PCNX1: variants seen among roughly 807,000 people sequenced by gnomAD.
PCNX1 encodes the protein pecanex-like protein 1.
PCNX1 carries 78 observed loss-of-function variants against 242.2 expected under a neutral mutation model. The ratio of observed to expected loss-of-function variants is 0.32; its 90% CI spans 0.27 to 0.39. The LOEUF (loss-of-function observed/expected upper bound fraction) is 0.39. Among genes scored for constraint, PCNX1 ranks in the 10% least tolerant of loss-of-function variants. The pLI is 1.00. For synonymous variants in PCNX1, 1,024 were observed against 1,032.9 expected (o/e 0.99, Z 0.17); for missense variants, 2,581 against 2,856.5 (o/e 0.90, Z 2.20).
In PCNX1 at chr14:71,035,161, T is replaced by G. The variant is rs117299294; in HGVS notation, c.3775-904T>G. 5.1e-4 allele frequency among the ~76,000 whole-genome samples: 77 copies of G among 152,122 alleles called. 2 individuals are homozygous for G. In the East Asian group the frequency reaches 0.014, roughly 27 times the overall value. The stretch of plus-strand genomic sequence containing the variant: ...AGGGGTTCTGAGCTCTAGTGTACAA[T>G]GACTATACCTGTGAATAGACACTGC... On this transcript the variant is annotated intron_variant, in intron 18 of 35. Coordinates refer to ENST00000304743, the MANE Select transcript of PCNX1 (RefSeq NM_014982.3).
At chr14:71,054,254 T>G (rs1393826265) in intron 24 of PCNX1, among the ~76,000 whole-genome samples, 4 of 151,788 alleles carry the variant, frequency 2.6e-5, no homozygotes, top group Non-Finnish European at 5.9e-5. Context: ...TCATCTGTCT[T>G]ATATCCTGAA....
intron 30 of PCNX1, among the ~76,000 whole-genome samples, chr14:71,098,167 G>A (rs763366752): frequency 7.2e-5 from 11 of 152,082 alleles, no homozygotes; most frequent in African/African-American, 1.7e-4. Flanking sequence ...TACCAGTACC[G>A]TGCTATTTTG....
chr14:71,033,124 A>C (rs1276801113), intron 16 of PCNX1, among the ~76,000 whole-genome samples: 1 of 152,228 alleles, frequency 6.6e-6, no homozygotes, highest in African/African-American at 2.4e-5. Flanking sequence ...AGCACTTAAA[A>C]TGTGAAAGAA....
chr14:71,070,457 T>G (rs1275330262), intron 26 of PCNX1, among the ~76,000 whole-genome samples: 2 of 152,246 alleles, frequency 1.3e-5, no homozygotes. Context: ...AATTTATTTC[T>G]TAAGTAATAA....
rs933792200 is a variant in PCNX1 at position 70,928,672 on chromosome 14, G to T, written c.154-18243G>T. Among the ~76,000 whole-genome samples the T allele has an allele frequency of 2.6e-5, 4 of 152,132 alleles. No homozygotes were observed. In the South Asian group the frequency reaches 6.2e-4, roughly 24 times the overall value. ...ACATATAAATCAAAACATTGTTAGTGCCTCTCAAGTTATATTCCTATATAG... is the reference window on the plus strand; with the variant it reads ...ACATATAAATCAAAACATTGTTAGTTCCTCTCAAGTTATATTCCTATATAG... On this transcript the variant is annotated intron_variant, in intron 1 of 35. Coordinates refer to ENST00000304743, the MANE Select transcript of PCNX1 (RefSeq NM_014982.3).
rs2062522068 is a variant in PCNX1, at chr14:71,103,617, G to A, written c.6043G>A (p.Gly2015Ser). 1.4e-5 allele frequency: 22 copies of A among 1,613,906 alleles called. No individual in the cohort carries two copies. The highest frequency in any genetic ancestry group is 1.8e-5 in the Non-Finnish European group (21 of 1,179,972). ...SHEQLKDILG[G>S]PISLGNIRNF... ...CGAACAGCTTAAAGACATTCTTGGGGGTCCTATCAGCTTGGGAAATATCAG... is the reference window on the plus strand; with the variant it reads ...CGAACAGCTTAAAGACATTCTTGGGAGTCCTATCAGCTTGGGAAATATCAG... The change falls in exon 32 of 36, where the codon GGT becomes AGT. Residue 2015 changes from glycine (G) to serine (S), a missense_variant. Gly to Ser is a moderately conservative substitution (Grantham distance 56). Around this residue, in one of 9 missense-constraint regions of PCNX1, gnomAD observed 432 missense variants for 433.6 expected, o/e 1.00. Coordinates refer to ENST00000304743, the MANE Select transcript of PCNX1 (RefSeq NM_014982.3).
intron 8 of PCNX1, among the ~76,000 whole-genome samples, chr14:70,997,562 C>T (rs1036527587): frequency 5.9e-5 from 9 of 152,110 alleles, no homozygotes; most frequent in East Asian, 1.9e-4. Context: ...TGATTGGAGA[C>T]GACTTTAGCA....
At chr14:70,938,721 T>C (rs1360679690) in intron 1 of PCNX1, among the ~76,000 whole-genome samples, 1 of 152,240 alleles carries the variant, frequency 6.6e-6, no homozygotes, top group Non-Finnish European at 1.5e-5. Context: ...TTCCTCCTTA[T>C]ACCTCTGGTA....
At chr14:71,080,146 T>G (rs1301989068) in intron 28 of PCNX1, among the ~76,000 whole-genome samples, 1 of 152,226 alleles carries the variant, frequency 6.6e-6, no homozygotes, top group East Asian at 1.9e-4. Flanking sequence ...CCCCATTGTC[T>G]TGTTTTTGTC....
intron 8 of PCNX1, among the ~76,000 whole-genome samples, chr14:70,997,303 C>T (rs1289947808): frequency 6.6e-6 from 1 of 152,066 alleles, no homozygotes; most frequent in Non-Finnish European, 1.5e-5. Flanking sequence ...TCTCATTGTT[C>T]ATTGGCTTTA....
At chr14:70,965,662 CAAAAAAAAA>C (rs11453401) in intron 3 of PCNX1, among the ~76,000 whole-genome samples, 1 of 91,124 alleles carries the variant, frequency 1.1e-5, no homozygotes, top group African/African-American at 4.5e-5. Context: ...GACTCCGTCT[CAAAAAAAAA>C]AAAAAAAAAA....
At chr14:70,991,713 T>A (rs1375126277) in intron 7 of PCNX1, among the ~76,000 whole-genome samples, 1 of 152,204 alleles carries the variant, frequency 6.6e-6, no homozygotes, top group Non-Finnish European at 1.5e-5. Flanking sequence ...CTTCTGTAAC[T>A]GTAAAAAAAT....
In PCNX1 at chr14:71,013,146, C is replaced by A; in HGVS notation, c.2940C>A (p.Pro980=). 1.2e-6 allele frequency: 2 copies of A among 1,614,126 alleles called. No homozygotes were observed. Among genetic ancestry groups the A allele is most frequent in the Non-Finnish European group, 1.7e-6 (2 of 1,180,006 alleles). The change falls in exon 11 of 36, where the codon CCC becomes CCA. Residue 980 remains proline, a synonymous_variant. Transcript: ENST00000304743. ...ACTATTATCGCTTTTGGATCCTACC[C>A]CAGCTGTGGATTGGCATTAACTTTG... is the stretch of plus-strand genomic sequence containing the variant. ...VKHYYRFWIL[P]QLWIGINFDR...
At chr14:71,022,332 G>C (rs1369816479) in intron 12 of PCNX1, among the ~76,000 whole-genome samples, 1 of 152,140 alleles carries the variant, frequency 6.6e-6, no homozygotes, top group Admixed American at 6.6e-5. Context: ...GTTAAATATG[G>C]AAAAGGTAAA....
At chr14:71,035,001 C>G (rs17108937) in intron 18 of PCNX1, among the ~76,000 whole-genome samples, 247 of 152,314 alleles carry the variant, frequency 1.6e-3, no homozygotes, top group African/African-American at 5.7e-3. Context: ...ACAGTTTTCA[C>G]ATGTCAAAAG....
At chr14:71,076,790 A>G (rs12880918) in intron 28 of PCNX1, among the ~76,000 whole-genome samples, 13,780 of 152,266 alleles carry the variant, frequency 0.09, 743 homozygotes, top group Admixed American at 0.17. Flanking sequence ...CTTTGTCCCA[A>G]ATAGAAAGTC....
chr14:71,021,371 A>G (rs2060096554), intron 12 of PCNX1, among the ~76,000 whole-genome samples: 1 of 152,098 alleles, frequency 6.6e-6, no homozygotes, highest in South Asian at 2.1e-4. Flanking sequence ...TTTTCACAAT[A>G]TTGATTCTTC....
intron 19 of PCNX1, among the ~76,000 whole-genome samples, chr14:71,036,862 T>C (rs944975432): frequency 2.6e-5 from 4 of 152,210 alleles, no homozygotes; most frequent in Non-Finnish European, 5.9e-5. Flanking sequence ...GCATTGAATC[T>C]GTAAATTACC....
chr14:70,988,665 A>G lies in PCNX1; in HGVS notation c.2410A>G (p.Thr804Ala), dbSNP rs2059068909. Residue 804 changes from threonine (T) to alanine (A), a missense_variant, in exon 7 of 36, where the codon ACC becomes GCC. By Grantham distance (58) the Thr-to-Ala change is moderately conservative. This residue lies in a region of PCNX1 where 1,204 missense variants were observed against 1,216.7 expected (regional missense o/e 0.99). Coordinates refer to ENST00000304743, the MANE Select transcript of PCNX1 (RefSeq NM_014982.3). ...RRRHNAGSNP[T>A]PPTLLIGSPL... ...CCGGCACAATGCAGGGAGTAACCCTACCCCTCCTACATTGCTCATCGGATC... is the reference window on the plus strand; with the variant it reads ...CCGGCACAATGCAGGGAGTAACCCTGCCCCTCCTACATTGCTCATCGGATC... The G allele has an allele frequency of 5.6e-6, 9 of 1,613,954 alleles. No individual in the cohort carries two copies. The East Asian group carries it at 8.9e-5, about 16-fold the overall frequency.
Sources: allele counts gnomAD v4.1 joint callset (sites outside exome capture counted in the v4.1 genomes callset), GRCh38; gene constraint gnomAD v4.1.1; regional missense constraint gnomAD v4.1.1; transcripts MANE v1.5; gene names NCBI Gene and HGNC (gene_info 2026-07-23, HGNC 2026-07-21).